Variants in ZMAT4 observed in about 807,000 individuals in gnomAD.
The protein encoded by ZMAT4 is zinc finger matrin-type 4, also known as zinc finger matrin-type protein 4.
In ZMAT4, 17 loss-of-function variants were observed where a neutral mutation model predicts 28.7. The observed-to-expected ratio is 0.59, with a 90% CI of 0.41 to 0.89. The LOEUF is 0.89. ZMAT4 is among the 40% of genes least tolerant of loss of function. The pLI, the probability that ZMAT4 is intolerant of heterozygous loss-of-function variation, is 0.00. For synonymous variants in ZMAT4, 117 were observed against 109.2 expected, an observed-to-expected ratio of 1.07 and a Z score of -0.44; for missense variants, 240 against 283.8, an observed-to-expected ratio of 0.85 and a Z score of 1.11.
chr8:40,728,503 G>C (rs1352600468), intron 3 of ZMAT4, among the ~76,000 whole-genome samples: 1 of 152,154 alleles, frequency 6.6e-6, no homozygotes, highest in Non-Finnish European at 1.5e-5. Context: ...GAGGGCCATT[G>C]TGTGCCATTG....
chr8:40,745,711 C>T (rs1330609008), intron 3 of ZMAT4, among the ~76,000 whole-genome samples: 1 of 152,086 alleles, frequency 6.6e-6, no homozygotes, highest in Non-Finnish European at 1.5e-5. Flanking sequence ...AATATTCCCC[C>T]ATTTCCAGCC....
chr8:40,627,455 TACAC>T (rs1347086909), intron 5 of ZMAT4, among the ~76,000 whole-genome samples: 1 of 152,192 alleles, frequency 6.6e-6, no homozygotes, highest in Non-Finnish European at 1.5e-5. Context: ...TATATAAATA[TACAC>T]ACACAGAGAA....
intron 5 of ZMAT4, among the ~76,000 whole-genome samples, chr8:40,601,611 A>C (rs1289974090): frequency 1.2e-4 from 3 of 25,706 alleles, no homozygotes; most frequent in Non-Finnish European, 2.2e-4. Context: ...AGAAAGAAAG[A>C]AAGAAAGAAA....
At chr8:40,765,460 T>G (rs1051184290) in intron 3 of ZMAT4, among the ~76,000 whole-genome samples, 1 of 152,240 alleles carries the variant, frequency 6.6e-6, no homozygotes. Context: ...TTGCTTTTTC[T>G]GTTTACTGGT....
intron 5 of ZMAT4, among the ~76,000 whole-genome samples, chr8:40,639,196 G>GT (rs200208442): frequency 3.3e-5 from 5 of 152,010 alleles, no homozygotes; most frequent in African/African-American, 7.2e-5. Context: ...AGCTTTGCTG[G>GT]TTTTTTTTAG....
At chr8:40,621,687 A>C (rs1275047850) in intron 5 of ZMAT4, among the ~76,000 whole-genome samples, 2 of 152,282 alleles carry the variant, frequency 1.3e-5, no homozygotes, top group East Asian at 3.9e-4. Flanking sequence ...TTTGGCTTTG[A>C]AGGTCGCTGG....
intron 5 of ZMAT4, among the ~76,000 whole-genome samples, chr8:40,649,477 G>A (rs1807525674): frequency 1.3e-5 from 2 of 152,028 alleles, no homozygotes; most frequent in African/African-American, 4.8e-5. Context: ...TTAAGAATGG[G>A]AGACTTTAAC....
chr8:40,791,148 C>G (rs1814308451), intron 2 of ZMAT4, among the ~76,000 whole-genome samples: 1 of 152,172 alleles, frequency 6.6e-6, no homozygotes, highest in South Asian at 2.1e-4. Context: ...GATTATAAAT[C>G]TAACTGTGTA....
At chr8:40,881,497 A>AAGAAAGAAAGAG (rs1554497976) in intron 1 of ZMAT4, among the ~76,000 whole-genome samples, 2 of 136,646 alleles carry the variant, frequency 1.5e-5, no homozygotes, top group African/African-American at 2.7e-5. Flanking sequence ...GAAAGAAAGA[A>AAGAAAGAAAGAG]AGAGGAAGGA....
chr8:40,626,980 C>T (rs1364910022), intron 5 of ZMAT4, among the ~76,000 whole-genome samples: 1 of 152,136 alleles, frequency 6.6e-6, no homozygotes, highest in East Asian at 1.9e-4. Flanking sequence ...CTCCTAATAA[C>T]CCTGCTCTGA....
intron 4 of ZMAT4, among the ~76,000 whole-genome samples, chr8:40,693,337 A>G (rs1417784845): frequency 6.6e-6 from 1 of 151,910 alleles, no homozygotes; most frequent in Admixed American, 6.5e-5. Context: ...GCTGGTATCA[A>G]ATTCCTGGGC....
At chr8:40,728,861 G>A (rs1018859646) in intron 3 of ZMAT4, among the ~76,000 whole-genome samples, 16 of 152,116 alleles carry the variant, frequency 1.1e-4, no homozygotes, top group South Asian at 4.2e-4. Context: ...GCCATTCCCC[G>A]CAGGCAACCA....
intron 3 of ZMAT4, among the ~76,000 whole-genome samples, chr8:40,736,090 A>G (rs1206936845): frequency 1.3e-5 from 2 of 152,184 alleles, no homozygotes; most frequent in Non-Finnish European, 2.9e-5. Context: ...AAGTCAACCA[A>G]TGCTATTCAG....
intron 2 of ZMAT4, among the ~76,000 whole-genome samples, chr8:40,806,605 T>C (rs948751300): frequency 6.6e-6 from 1 of 152,218 alleles, no homozygotes; most frequent in African/African-American, 2.4e-5. Context: ...ATTTTCACAT[T>C]TCATTGAATA....
intron 6 of ZMAT4, among the ~76,000 whole-genome samples, chr8:40,549,043 T>C (rs557939243): frequency 3.3e-5 from 5 of 152,204 alleles, no homozygotes; most frequent in African/African-American, 1.2e-4. Flanking sequence ...TGGGAGGTGA[T>C]GAGGTCATGA....
At chr8:40,857,439 G>C (rs1165370406) in intron 1 of ZMAT4, among the ~76,000 whole-genome samples, 1 of 152,044 alleles carries the variant, frequency 6.6e-6, no homozygotes, top group Non-Finnish European at 1.5e-5. Flanking sequence ...TCTGGGACTT[G>C]ATGGTTAATT....
intron 5 of ZMAT4, among the ~76,000 whole-genome samples, chr8:40,652,179 C>A (rs1342604103): frequency 8.1e-6 from 1 of 123,990 alleles, no homozygotes; most frequent in Non-Finnish European, 1.8e-5. Flanking sequence ...TTGCTACCTA[C>A]TCATTTGACA....
At chr8:40,536,061 G>T (rs1358342585) in intron 6 of ZMAT4, among the ~76,000 whole-genome samples, 1 of 152,178 alleles carries the variant, frequency 6.6e-6, no homozygotes, top group Non-Finnish European at 1.5e-5. Flanking sequence ...CCTGAGAACT[G>T]AATGACATCC....
chr8:40,644,969 C>A (rs1335998377), intron 5 of ZMAT4, among the ~76,000 whole-genome samples: 1 of 152,056 alleles, frequency 6.6e-6, no homozygotes, highest in African/African-American at 2.4e-5. Flanking sequence ...TCGCCAACAA[C>A]AAGGAAAGCC....
Sources: gnomAD v4.1 joint callset for allele counts (sites outside exome capture counted in the v4.1 genomes callset) on GRCh38, gnomAD v4.1.1 for gene constraint, MANE v1.5 for transcripts, NCBI Gene and HGNC (gene_info 2026-07-23, HGNC 2026-07-21) for gene names.